FGF11: variants seen among roughly 807,000 people sequenced by gnomAD.
FGF11 encodes fibroblast growth factor homologous factor 3.
FGF11 carries 25 observed loss-of-function variants against 25.1 expected under a neutral mutation model. That is an observed-to-expected ratio of 1.00 (90% CI 0.73 to 1.39). The LOEUF (loss-of-function observed/expected upper bound fraction) is 1.39. Ranked by LOEUF, FGF11 falls within the 40% of genes most tolerant of loss-of-function variation. The pLI is 0.00. For synonymous variants in FGF11, 130 were observed against 128.9 expected (o/e 1.01, Z -0.06); for missense variants, 320 against 311.0 (o/e 1.03, Z -0.22).
chr17:7,439,364 T>C, upstream of FGF11: 1 of 371,984 alleles, frequency 2.7e-6, no homozygotes, highest in Non-Finnish European at 4.8e-6. Context: ...GAGGCAAAAC[T>C]CGAGGGTGGG....
At position 7,439,587 on chromosome 17, in the gene FGF11, C is replaced by G; in HGVS notation, c.-34C>G. 7.2e-7 allele frequency: 1 copy of G among 1,382,176 alleles called. No individual in the cohort carries two copies. Among genetic ancestry groups the G allele is most frequent in the East Asian group, 3.0e-5 (1 of 33,284 alleles). 85.6% of individuals were successfully genotyped at this position (1,382,176 alleles called of 1,614,324 possible). On this transcript the variant is annotated 5_prime_UTR_variant, in exon 1 of 5. Transcript: ENST00000293829. The stretch of plus-strand genomic sequence containing the variant: ...GGGGAGCCCAGCGCGCTCCGGGCGC[C>G]TGCCGGTTTGGGGGTGTCTCCTCCC...
chr17:7,439,525 A>T lies in FGF11; in HGVS notation c.-96A>T. The T allele has an allele frequency of 9.7e-7, 1 of 1,029,220 alleles. No homozygotes were observed. The highest frequency in any genetic ancestry group is 1.3e-6 in the Non-Finnish European group (1 of 761,146). 63.8% of individuals were successfully genotyped at this position (1,029,220 alleles called of 1,614,324 possible). ...GGGTGGGGCAGCGAGTCGGGGCCTG[A>T]GCGTCAAGAGCATGCCCTAGTGAGC... On this transcript the variant is annotated 5_prime_UTR_variant, in exon 1 of 5. Coordinates refer to ENST00000293829, the MANE Select transcript of FGF11 (RefSeq NM_004112.4).
Position 7,439,684 on chromosome 17 carries a change from C to T in FGF11, c.64C>T (p.Arg22Trp), listed in dbSNP as rs1387537496. Residue 22 changes from arginine to tryptophan, a missense_variant, in exon 1 of 5, where the codon CGG (arginine) becomes TGG (tryptophan). Arg to Trp is a moderately radical substitution (Grantham distance 101). Transcript: ENST00000293829. ...GGAGGTCCGCGAGCCCGGGGGCAGC[C>T]GGCCGGTGTCGGCGCAGCGGCGCGT... ...KREVREPGGS[R>W]PVSAQRRVCP... is the part of the protein sequence containing the mutation. 4 of 1,545,882 alleles carry T rather than the reference C, an allele frequency of 2.6e-6. No homozygotes were observed. Among genetic ancestry groups the T allele is most frequent in the Admixed American group, 2.0e-5 (1 of 50,024 alleles).
rs1163348231 is a variant in FGF11, at chr17:7,441,923, C to G, written c.408+44C>G. ...GTGGCCGGGAAATACTGGGGACTCC[C>G]CTTCCTCAATTTGTCCCTTGAGGGA... is the stretch of plus-strand genomic sequence containing the variant. On this transcript the variant is annotated intron_variant, in intron 3 of 4. Coordinates refer to ENST00000293829, the MANE Select transcript of FGF11 (RefSeq NM_004112.4). 8 of 1,401,380 alleles carry G rather than the reference C, an allele frequency of 5.7e-6. No homozygotes were observed. In the South Asian group the frequency reaches 9.3e-5, roughly 16 times the overall value. 86.8% of individuals were successfully genotyped at this position (1,401,380 alleles called of 1,614,324 possible).
In FGF11 at chr17:7,439,738, C is replaced by A. The variant is rs774143444; in HGVS notation, c.118C>A (p.Gln40Lys). 19 of 1,573,424 alleles carry A rather than the reference C, an allele frequency of 1.2e-5. No individual in the cohort carries two copies. The highest frequency in any genetic ancestry group is 1.6e-5 in the Non-Finnish European group (19 of 1,164,442). Residue 40 changes from glutamine to lysine, a missense_variant, in exon 1 of 5, where the codon CAG becomes AAG. Transcript: ENST00000293829. The stretch of plus-strand genomic sequence containing the variant: ...TCCCCGCGGCACCAAGTCCCTTTGC[C>A]AGAAGCAGCTCCTCATCCTGCTGTC... ...VCPRGTKSLCQKQLLILLSKV... is the reference protein window; with the variant it reads ...VCPRGTKSLCKKQLLILLSKV...
rs1367858152 is a variant in FGF11, at chr17:7,442,359, C to T, written c.409-235C>T. ...CCTCAGGTGATCCACCCGCCTCGGCCTCCCAAAGTGTTGGGATTATAGGCA... is the reference window on the plus strand; with the variant it reads ...CCTCAGGTGATCCACCCGCCTCGGCTTCCCAAAGTGTTGGGATTATAGGCA... On this transcript the variant is annotated intron_variant, in intron 3 of 4. Coordinates refer to ENST00000293829, the MANE Select transcript of FGF11 (RefSeq NM_004112.4). The T allele has an allele frequency of 7.1e-6, 9 of 1,264,716 alleles. No individual in the cohort carries two copies. The East Asian group carries it at 2.3e-4, about 32-fold the overall frequency. 78.3% of individuals were successfully genotyped at this position (1,264,716 alleles called of 1,614,324 possible). A position where few individuals can be genotyped will look rare whatever the true frequency, so the allele number is the denominator to read the frequency against.
At position 7,439,720 on chromosome 17, in the gene FGF11, G is replaced by T. The variant is rs748481604; in HGVS notation, c.100G>T (p.Gly34Cys). ...VSAQRRVCPR[G>C]TKSLCQKQLL... ...GGCGCAGCGGCGCGTGTGTCCCCGC[G>T]GCACCAAGTCCCTTTGCCAGAAGCA... Residue 34 changes from glycine (G) to cysteine (C), a missense_variant, in exon 1 of 5, where the codon GGC becomes TGC. Gly to Cys is a radical substitution (Grantham distance 159). Coordinates refer to ENST00000293829, the MANE Select transcript of FGF11 (RefSeq NM_004112.4). 6.4e-7 allele frequency: 1 copy of T among 1,572,750 alleles called. No homozygotes were observed. Among genetic ancestry groups the T allele is most frequent in the South Asian group, 1.2e-5 (1 of 86,104 alleles).
At chr17:7,441,395 C>G in intron 1 of FGF11, 76 bp from the exon 2 acceptor site, 1 of 1,586,478 alleles carries the variant, frequency 6.3e-7, no homozygotes, top group South Asian at 1.1e-5. Flanking sequence ...CCTTTCTTCC[C>G]TCTAATCCTG....
chr17:7,442,006 T>C lies in FGF11; in HGVS notation c.408+127T>C. On this transcript the variant is annotated intron_variant, in intron 3 of 4. Coordinates refer to ENST00000293829, the MANE Select transcript of FGF11 (RefSeq NM_004112.4). ...CCGGGACTCCTCCCTCCAGCTTTGC[T>C]GATGGCCTGTCATCGCTGCCCATTC... The C allele has an allele frequency of 1.9e-5, 13 of 698,250 alleles. No individual in the cohort carries two copies. In the South Asian group the frequency reaches 2.5e-4, roughly 14 times the overall value. 43.3% of individuals were successfully genotyped at this position (698,250 alleles called of 1,614,324 possible).
chr17:7,439,448 G>C (rs898300782), upstream of FGF11: 59 of 502,674 alleles, frequency 1.2e-4, no homozygotes, highest in African/African-American at 1.1e-3. Flanking sequence ...ACTGGCTGCT[G>C]TGGAGGGGGG....
chr17:7,439,653 G>T lies in FGF11; in HGVS notation c.33G>T (p.Gln11His). The T allele has an allele frequency of 1.3e-6, 2 of 1,510,858 alleles. No individual in the cohort carries two copies. The highest frequency in any genetic ancestry group is 1.8e-6 in the Non-Finnish European group (2 of 1,137,674). 93.6% of individuals were successfully genotyped at this position (1,510,858 alleles called of 1,614,324 possible). A position where few individuals can be genotyped will look rare whatever the true frequency, so the allele number is the denominator to read the frequency against. Reference sequence around the variant, plus strand: ...CGCTGGCCAGTAGCCTGATCCGGCAGAAGCGGGAGGTCCGCGAGCCCGGGG... The same window carrying T: ...CGCTGGCCAGTAGCCTGATCCGGCATAAGCGGGAGGTCCGCGAGCCCGGGG... The part of the protein sequence containing the change: MAALASSLIR[Q>H]KREVREPGGS... The change falls in exon 1 of 5, where the codon CAG becomes CAT. Residue 11 changes from glutamine (Q) to histidine (H), a missense_variant. Coordinates refer to ENST00000293829, the MANE Select transcript of FGF11 (RefSeq NM_004112.4).
intron 3 of FGF11, 183 bp from the exon 4 acceptor site, chr17:7,442,411 T>C (rs1443882247): frequency 6.3e-6 from 9 of 1,425,546 alleles, no homozygotes; most frequent in Non-Finnish European, 7.3e-6. Flanking sequence ...GCCCAGAGCC[T>C]AGTTCTTAGC....
At position 7,439,744 on chromosome 17, in the gene FGF11, C is replaced by T; in HGVS notation, c.124C>T (p.Gln42Ter). Reference sequence around the variant, plus strand: ...CGGCACCAAGTCCCTTTGCCAGAAGCAGCTCCTCATCCTGCTGTCCAAGGT... The same window carrying T: ...CGGCACCAAGTCCCTTTGCCAGAAGTAGCTCCTCATCCTGCTGTCCAAGGT... ...PRGTKSLCQK[Q>*]LLILLSKVRL... The change falls in exon 1 of 5, where the codon CAG becomes TAG. Residue 42 changes from glutamine (Q) to a stop codon, truncating the protein, a stop_gained. Transcript: ENST00000293829. LOFTEE classifies it high-confidence loss of function. 6.4e-7 allele frequency: 1 copy of T among 1,571,880 alleles called. No homozygotes were observed. The highest frequency in any genetic ancestry group is 8.6e-7 in the Non-Finnish European group (1 of 1,163,502).
In FGF11 at chr17:7,443,414, C is replaced by G; in HGVS notation, c.*268C>G. ...GATCACTTCTTTCTTTCCACACTCA[C>G]ACAACGCCATGCCTTTTCCTGAGAT... On this transcript the variant is annotated 3_prime_UTR_variant, in exon 5 of 5. Transcript: ENST00000293829. 2.3e-6 allele frequency: 1 copy of G among 430,686 alleles called. No individual in the cohort carries two copies. Among genetic ancestry groups the G allele is most frequent in the Non-Finnish European group, 4.1e-6 (1 of 242,242 alleles). The allele number at this position is 430,686 out of a possible 1,614,324, so 26.7% of individuals were successfully genotyped here. A position where few individuals can be genotyped will look rare whatever the true frequency, so the allele number is the denominator to read the frequency against.
chr17:7,440,037 C>T lies in FGF11; in HGVS notation c.193+224C>T, dbSNP rs952777950. The T allele has an allele frequency of 7.4e-6, 3 of 403,580 alleles. No individual in the cohort carries two copies. Among genetic ancestry groups the T allele is most frequent in the East Asian group, 3.6e-5 (1 of 27,556 alleles). The allele number at this position is 403,580 out of a possible 1,614,324, so 25.0% of individuals were successfully genotyped here. ...GAGGTCAAGGGGAAGGCTTGAGGGGCTGCCTGGCGCCCCGAAAGCCTCGTA... is the reference window on the plus strand; with the variant it reads ...GAGGTCAAGGGGAAGGCTTGAGGGGTTGCCTGGCGCCCCGAAAGCCTCGTA... On this transcript the variant is annotated intron_variant, in intron 1 of 4. Transcript: ENST00000293829. This position sits in a 1 kb window ranked among gnomAD's most constrained non-coding sequence, Gnocchi z 5.4.
At position 7,443,123 on chromosome 17, in the gene FGF11, C is replaced by T; in HGVS notation, c.655C>T (p.Pro219Ser). The change falls in exon 5 of 5, where the codon CCT becomes TCT. Residue 219 changes from proline to serine, a missense_variant. Coordinates refer to ENST00000293829, the MANE Select transcript of FGF11 (RefSeq NM_004112.4). ...PSLHSVPEAS[P>S]SSPPAP ...TCTCCACAGTGTCCCCGAGGCCTCC[C>T]CTTCCAGTCCCCCTGCCCCCTGAAA... The T allele has an allele frequency of 6.2e-7, 1 of 1,608,994 alleles. No homozygotes were observed. The highest frequency in any genetic ancestry group is 8.5e-7 in the Non-Finnish European group (1 of 1,175,766).
intron 4 of FGF11, 91 bp from the exon 5 acceptor site, chr17:7,442,985 C>G: frequency 8.3e-7 from 1 of 1,205,870 alleles, no homozygotes; most frequent in Non-Finnish European, 1.2e-6. Flanking sequence ...GGTGAATGTA[C>G]GGGAAGGGAG....
Position 7,440,607 on chromosome 17 carries a change from C to T in FGF11, c.193+794C>T. ...GAGAGTTGTGAGAGTTAGAATTGGT[C>T]CCCGTCCATGTACGACAGTCAGGGA... On this transcript the variant is annotated intron_variant, in intron 1 of 4. Transcript: ENST00000293829. The surrounding 1 kb of genome is among the most constrained non-coding windows in gnomAD (Gnocchi z 5.4). The T allele has an allele frequency of 1.1e-6, 1 of 938,530 alleles. No homozygotes were observed. The highest frequency in any genetic ancestry group is 1.3e-6 in the Non-Finnish European group (1 of 787,256). 58.1% of individuals were successfully genotyped at this position (938,530 alleles called of 1,614,324 possible).
rs1908516692 is a variant in FGF11 at position 7,444,883 on chromosome 17, G to T, written c.*1737G>T. 2 of 592,544 alleles carry T rather than the reference G, an allele frequency of 3.4e-6. No individual in the cohort carries two copies. Among genetic ancestry groups the T allele is most frequent in the East Asian group, 2.8e-5 (1 of 35,640 alleles). The allele number at this position is 592,544 out of a possible 1,614,324, so 36.7% of individuals were successfully genotyped here. ...CACCCAACTCCTGGCACTGCTCCCA[G>T]GGGATCGGGTCTCCACTCCAGCTTT... On this transcript the variant is annotated 3_prime_UTR_variant, in exon 5 of 5. Transcript: ENST00000293829.
Sources: allele counts gnomAD v4.1 joint callset, GRCh38; gene constraint gnomAD v4.1.1; non-coding constraint Gnocchi (gnomAD v3.1); transcripts MANE v1.5; gene names NCBI Gene and HGNC (gene_info 2026-07-23, HGNC 2026-07-21).